The following WDPCP variants were observed in gnomAD, a reference collection of about 807,000 sequenced individuals.
The protein encoded by WDPCP is WD repeat-containing and planar cell polarity effector protein fritz homolog.
In WDPCP, 71 loss-of-function variants were observed where a neutral mutation model predicts 93.1. The observed-to-expected ratio is 0.76, with a 90% confidence interval of 0.63 to 0.93. WDPCP has a LOEUF of 0.93. Among genes scored for constraint, WDPCP ranks in the 40% least tolerant of loss-of-function variants. The pLI is 0.00. For synonymous variants in WDPCP, 315 were observed against 315.0 expected, an observed-to-expected ratio of 1.00 and a Z score of 0.00; for missense variants, 844 against 887.4, an observed-to-expected ratio of 0.95 and a Z score of 0.62.
At chr2:63,186,325 A>G (rs1488928500) in intron 14 of WDPCP, among the ~76,000 whole-genome samples, 1 of 152,180 alleles carries the variant, frequency 6.6e-6, no homozygotes, top group Non-Finnish European at 1.5e-5. Flanking sequence ...GCACTCCACA[A>G]CCACCACTCA....
At position 63,728,939 on chromosome 2, in the gene WDPCP, C is replaced by CA. The variant is rs540676821; in HGVS notation, n.309-78102dup. On this transcript the variant is annotated intron_variant and non_coding_transcript_variant, in intron 2 of 4. Transcript: ENST00000467687. Reference sequence around the variant, plus strand: ...AGCACTAAGAGTTACGTATTTCTAACAAAAAGAATCCTTGATTCATATTTT... The same window carrying CA: ...AGCACTAAGAGTTACGTATTTCTAACAAAAAAGAATCCTTGATTCATATTTT... Among the ~76,000 whole-genome samples, 940 of 152,292 alleles carry CA rather than the reference C, an allele frequency of 6.2e-3. 15 individuals are homozygous for CA. The highest frequency in any genetic ancestry group is 0.021 in the African/African-American group (878 of 41,566).
chr2:63,551,193 C>T (rs1280788981), intron 1 of WDPCP, among the ~76,000 whole-genome samples: 1 of 150,838 alleles, frequency 6.6e-6, no homozygotes, highest in Non-Finnish European at 1.5e-5. Context: ...TCCTAATCCA[C>T]AAGAAAAATT....
At chr2:63,217,720 A>G (rs1219713315) in intron 14 of WDPCP, among the ~76,000 whole-genome samples, 2 of 152,180 alleles carry the variant, frequency 1.3e-5, no homozygotes, top group African/African-American at 2.4e-5. Flanking sequence ...GCACACATTG[A>G]TGGGTTTAGA....
chr2:63,532,573 G>T (rs536022137), intron 1 of WDPCP, among the ~76,000 whole-genome samples: 1 of 152,296 alleles, frequency 6.6e-6, no homozygotes, highest in African/African-American at 2.4e-5. Flanking sequence ...TCAAAGAAAA[G>T]AATTTTCAAC....
Position 63,500,454 on chromosome 2 carries a change from G to GGTGTGTGTGTGTGT in WDPCP, c.76-7528_76-7515dup, listed in dbSNP as rs35916043. ...GCCTTGAAAGAGAAAATGGTGTGGG[G>GGTGTGTGTGTGTGT]GTGTGTGTGTGTGTGTGTGTGTGTG... On this transcript the variant is annotated intron_variant, in intron 1 of 17. Coordinates refer to ENST00000272321, the MANE Select transcript of WDPCP (RefSeq NM_015910.7). 1.7e-3 allele frequency among the ~76,000 whole-genome samples: 248 copies of GGTGTGTGTGTGTGT among 149,580 alleles called. 1 individual carries two copies. The highest frequency in any genetic ancestry group is 9.3e-3 in the East Asian group (47 of 5,068).
chr2:63,719,256 G>A (rs1037046171), intron 2 of WDPCP, among the ~76,000 whole-genome samples: 2 of 152,182 alleles, frequency 1.3e-5, no homozygotes, highest in Non-Finnish European at 2.9e-5. Context: ...TGGAGGAGGG[G>A]CTACTTAGAA....
intron 2 of WDPCP, among the ~76,000 whole-genome samples, chr2:63,704,670 C>G (rs1669120039): frequency 6.6e-6 from 1 of 152,110 alleles, no homozygotes; most frequent in African/African-American, 2.4e-5. Flanking sequence ...GGTGGATAAG[C>G]TTTTTGATGT....
At chr2:63,450,895 C>T (rs955082192) in intron 6 of WDPCP, among the ~76,000 whole-genome samples, 1 of 152,138 alleles carries the variant, frequency 6.6e-6, no homozygotes, top group Non-Finnish European at 1.5e-5. Context: ...ACAACTATTA[C>T]ACCAGATGGG....
intron 2 of WDPCP, among the ~76,000 whole-genome samples, chr2:63,661,829 C>T (rs1185059047): frequency 1.3e-5 from 2 of 152,150 alleles, no homozygotes; most frequent in Non-Finnish European, 2.9e-5. Flanking sequence ...TTAATGATTC[C>T]TGTTCCTTGA....
chr2:63,469,806 T>C (rs1699587498), intron 6 of WDPCP, among the ~76,000 whole-genome samples: 1 of 152,138 alleles, frequency 6.6e-6, no homozygotes, highest in Non-Finnish European at 1.5e-5. Flanking sequence ...ATGACACATA[T>C]TTACCTATAT....
chr2:63,413,760 G>A (rs1807843), intron 9 of WDPCP, among the ~76,000 whole-genome samples: 4 of 151,720 alleles, frequency 2.6e-5, no homozygotes, highest in Admixed American at 1.3e-4. Flanking sequence ...ATCCAGCCTG[G>A]GCTACAGAGT....
At chr2:63,304,786 A>G (rs542023108) in intron 13 of WDPCP, among the ~76,000 whole-genome samples, 174 of 152,224 alleles carry the variant, frequency 1.1e-3, no homozygotes, top group Admixed American at 3.5e-3. Flanking sequence ...GAAGGCAGGG[A>G]GCCAGGTGGT....
chr2:63,630,701 A>G (rs1271674527), intron 3 of WDPCP, among the ~76,000 whole-genome samples: 1 of 152,230 alleles, frequency 6.6e-6, no homozygotes, highest in Non-Finnish European at 1.5e-5. Flanking sequence ...TTTCTCAACA[A>G]TGGATAGATC....
At chr2:63,453,839 C>T (rs538706251) in intron 6 of WDPCP, among the ~76,000 whole-genome samples, 2 of 150,898 alleles carry the variant, frequency 1.3e-5, no homozygotes, top group South Asian at 4.2e-4. Flanking sequence ...CAAACTATCG[C>T]AAGGACAAAA....
intron 2 of WDPCP, among the ~76,000 whole-genome samples, chr2:63,791,073 A>G (rs1323904310): frequency 6.6e-6 from 1 of 152,196 alleles, no homozygotes; most frequent in Non-Finnish European, 1.5e-5. Context: ...GAAGCTGCTC[A>G]GCACATTTTT....
intron 6 of WDPCP, among the ~76,000 whole-genome samples, chr2:63,446,004 T>C (rs1480780428): frequency 6.6e-6 from 1 of 152,130 alleles, no homozygotes; most frequent in Admixed American, 6.5e-5. Context: ...AGTGGGAAAG[T>C]GGAGACCAAG....
At chr2:63,556,588 T>C (rs1365237017) in intron 1 of WDPCP, among the ~76,000 whole-genome samples, 1 of 152,226 alleles carries the variant, frequency 6.6e-6, no homozygotes, top group East Asian at 1.9e-4. Flanking sequence ...TCAGCCTCCA[T>C]CCAGTTCTGT....
chr2:63,643,595 C>A, intron 3 of WDPCP: 1 of 435,184 alleles, frequency 2.3e-6, no homozygotes, highest in South Asian at 1.9e-5. Flanking sequence ...ATGAGGGGAT[C>A]AGGGTAGTGG....
intron 15 of WDPCP, among the ~76,000 whole-genome samples, chr2:63,167,603 A>C (rs1324470960): frequency 6.6e-6 from 1 of 152,212 alleles, no homozygotes; most frequent in African/African-American, 2.4e-5. Flanking sequence ...GTTGTATTAC[A>C]TTGTGATTGG....
Sources: allele counts gnomAD v4.1 joint callset (sites outside exome capture counted in the v4.1 genomes callset), GRCh38; gene constraint gnomAD v4.1.1; transcripts MANE v1.5; gene names NCBI Gene and HGNC (gene_info 2026-07-23, HGNC 2026-07-21).